Variants in CCL26 observed in about 807,000 individuals in gnomAD.
CCL26 encodes the protein C-C motif chemokine ligand 26.
Under a neutral mutation model 10.7 loss-of-function variants are expected in CCL26, and 10 were observed. The ratio of observed to expected loss-of-function variants is 0.93; its 90% CI spans 0.57 to 1.58. The LOEUF (loss-of-function observed/expected upper bound fraction) is 1.58, where lower values mean the gene tolerates loss of function less well. Among genes scored for constraint, CCL26 ranks in the 40% most tolerant of loss-of-function variants. The pLI, the probability that CCL26 is intolerant of heterozygous loss-of-function variation, is 0.00. For missense variants in CCL26, 116 were observed against 111.0 expected (o/e 1.05, Z -0.20); for synonymous variants, 43 against 41.4 (o/e 1.04, Z -0.15).
At chr7:75,777,792 TA>T (rs1168268537) in intron 1 of CCL26, among the ~76,000 whole-genome samples, 1 of 145,782 alleles carries the variant, frequency 6.9e-6, no homozygotes, top group Non-Finnish European at 1.5e-5. Context: ...TCCACCTGTG[TA>T]AAGTACCAAA....
chr7:75,783,422 A>G (rs2115682916), intron 1 of CCL26, among the ~76,000 whole-genome samples: 1 of 152,282 alleles, frequency 6.6e-6, no homozygotes, highest in African/African-American at 2.4e-5. Flanking sequence ...TTCCCCAGGT[A>G]TAGCTAGGTG....
chr7:75,780,159 A>C (rs1803030448), intron 1 of CCL26, among the ~76,000 whole-genome samples: 2 of 128,854 alleles, frequency 1.6e-5, no homozygotes, highest in East Asian at 2.4e-4. Flanking sequence ...CCTGGGGGGC[A>C]AACACTTCCC....
upstream of CCL26, among the ~76,000 whole-genome samples, chr7:75,790,277 CTCTT>C (rs1803306096): frequency 7.2e-6 from 1 of 138,130 alleles, no homozygotes; most frequent in Non-Finnish European, 1.6e-5. Flanking sequence ...CTCTTTCTCT[CTCTT>C]TCTTTTCTTT....
chr7:75,784,266 T>C (rs1803132036), intron 1 of CCL26, among the ~76,000 whole-genome samples: 1 of 152,176 alleles, frequency 6.6e-6, no homozygotes, highest in Non-Finnish European at 1.5e-5. Flanking sequence ...CTAAGCTGTG[T>C]CCCATCTGTG....
At chr7:75,789,657 A>T (rs1295904016) in intron 1 of CCL26, 1 of 132,830 alleles carries the variant, frequency 7.5e-6, no homozygotes, top group African/African-American at 2.8e-5. Flanking sequence ...AACAAGGCCC[A>T]TTACTTCCTT....
upstream of CCL26, among the ~76,000 whole-genome samples, chr7:75,776,774 A>G (rs1802951281): frequency 1.3e-5 from 2 of 152,186 alleles, no homozygotes; most frequent in Non-Finnish European, 2.9e-5. Context: ...CCAGATGGCT[A>G]CAATGGAAAA....
chr7:75,783,568 G>C (rs1803111949), intron 1 of CCL26, among the ~76,000 whole-genome samples: 1 of 152,134 alleles, frequency 6.6e-6, no homozygotes, highest in Admixed American at 6.6e-5. Context: ...GGGAGGCCGA[G>C]GTGGGCGGAT....
intron 2 of CCL26, among the ~76,000 whole-genome samples, 185 bp downstream of exon 2, chr7:75,771,704 G>C (rs536981570): frequency 5.7e-4 from 86 of 152,212 alleles, no homozygotes; most frequent in Admixed American, 1.2e-3. Flanking sequence ...CAACAAGAAA[G>C]AAACTCCGTC....
At chr7:75,775,875 G>A (rs185934747), upstream of CCL26, among the ~76,000 whole-genome samples, 1 of 151,206 alleles carries the variant, frequency 6.6e-6, no homozygotes, top group Non-Finnish European at 1.5e-5. Context: ...GTCTCATTCT[G>A]TCACCCAGGC....
chr7:75,770,601 G>A (rs535496156), intron 2 of CCL26, among the ~76,000 whole-genome samples: 82 of 151,704 alleles, frequency 5.4e-4, no homozygotes, highest in African/African-American at 1.7e-3. Flanking sequence ...GGCTGGTCTC[G>A]AACTCCCAAC....
upstream of CCL26, among the ~76,000 whole-genome samples, chr7:75,775,778 C>T (rs769454572): frequency 5.3e-5 from 8 of 152,048 alleles, no homozygotes; most frequent in South Asian, 2.1e-4. Context: ...TGACAGTATC[C>T]GCTGAAGCCA....
At chr7:75,789,314 A>T (rs1444462318) in intron 1 of CCL26, among the ~76,000 whole-genome samples, 1 of 151,988 alleles carries the variant, frequency 6.6e-6, no homozygotes, top group Non-Finnish European at 1.5e-5. Context: ...TATGGCGAAT[A>T]AACAAAACAA....
intron 1 of CCL26, among the ~76,000 whole-genome samples, chr7:75,784,287 C>T (rs1803132408): frequency 6.6e-6 from 1 of 152,206 alleles, no homozygotes; most frequent in African/African-American, 2.4e-5. Context: ...TGGGACCCCA[C>T]TGGAAATCGG....
intron 1 of CCL26, among the ~76,000 whole-genome samples, chr7:75,789,426 G>T (rs1364111568): frequency 6.8e-6 from 1 of 147,254 alleles, no homozygotes. Context: ...CTCTCTCTTT[G>T]CCACTCTTCT....
intron 1 of CCL26, among the ~76,000 whole-genome samples, chr7:75,787,728 T>A (rs1194152212): frequency 6.9e-6 from 1 of 144,320 alleles, no homozygotes; most frequent in Non-Finnish European, 1.5e-5. Flanking sequence ...AAAAGGACTC[T>A]GTCAAAAACA....
chr7:75,772,038 T>A, intron 1 of CCL26, 35 bp from the exon 2 acceptor site: 1 of 1,599,570 alleles, frequency 6.3e-7, no homozygotes, highest in Non-Finnish European at 8.6e-7. Context: ...TTGGAGATAC[T>A]CATTTCCATC....
At chr7:75,777,743 G>C (rs1207532285) in intron 1 of CCL26, among the ~76,000 whole-genome samples, 2 of 31,274 alleles carry the variant, frequency 6.4e-5, no homozygotes, top group Non-Finnish European at 1.3e-4. Context: ...AAAAAAAAAA[G>C]CAGCAGCAGC....
intron 1 of CCL26, among the ~76,000 whole-genome samples, chr7:75,787,651 C>CAAAAAAAAAAAAAAAAAAAAAAAAAAAA: frequency 3.6e-5 from 1 of 27,748 alleles, no homozygotes; most frequent in Non-Finnish European, 5.8e-5. Context: ...TCTCCAAAAG[C>CAAAAAAAAAAAAAAAAAAAAAAAAAAAA]AAAAAAAAAA....
chr7:75,778,323 G>A (rs1482852442), intron 1 of CCL26, among the ~76,000 whole-genome samples: 1 of 151,994 alleles, frequency 6.6e-6, no homozygotes, highest in South Asian at 2.1e-4. Flanking sequence ...CTGGGCTCAA[G>A]CGATCCTCCC....
Sources: allele counts gnomAD v4.1 joint callset (sites outside exome capture counted in the v4.1 genomes callset), GRCh38; gene constraint gnomAD v4.1.1; transcripts MANE v1.5; gene names NCBI Gene and HGNC (gene_info 2026-07-23, HGNC 2026-07-21).